The following BACH2 variants were observed in gnomAD, a reference collection of about 807,000 sequenced individuals.
BACH2 encodes the protein BACH transcriptional regulator 2, also known as transcription regulator protein BACH2.
Under a neutral mutation model 61.8 loss-of-function variants are expected in BACH2, and 5 were observed. That is an observed-to-expected ratio of 0.08 (90% CI 0.04 to 0.17). The LOEUF is 0.17. BACH2 is among the 10% of genes least tolerant of loss of function. BACH2 has a pLI of 1.00. For missense variants in BACH2, 824 were observed against 1,091.1 expected, an observed-to-expected ratio of 0.76 and a Z score of 3.45; for synonymous variants, 446 against 440.1, an observed-to-expected ratio of 1.01 and a Z score of -0.17.
At chr6:90,231,820 A>T (rs73752901) in intron 3 of BACH2, among the ~76,000 whole-genome samples, 1 of 152,338 alleles carries the variant, frequency 6.6e-6, no homozygotes, top group African/African-American at 2.4e-5. Context: ...GAGGCTATTT[A>T]GCTAGACTTC....
intron 4 of BACH2, among the ~76,000 whole-genome samples, chr6:90,193,322 A>G (rs1479181440): frequency 6.6e-6 from 1 of 152,148 alleles, no homozygotes; most frequent in Non-Finnish European, 1.5e-5. Context: ...CCCTAATCCA[A>G]TATGACTGGT....
At chr6:90,269,663 A>G (rs1275327979) in intron 2 of BACH2, among the ~76,000 whole-genome samples, 1 of 152,154 alleles carries the variant, frequency 6.6e-6, no homozygotes, top group Non-Finnish European at 1.5e-5. Context: ...GGTTATTTTC[A>G]TATCGGTTGG....
At chr6:90,137,973 A>C (rs1018547620) in intron 4 of BACH2, among the ~76,000 whole-genome samples, 1 of 152,150 alleles carries the variant, frequency 6.6e-6, no homozygotes, top group African/African-American at 2.4e-5. Flanking sequence ...ACAATAAAAC[A>C]TAAGAAGTGG....
chr6:89,953,262 C>T (rs1032837043), intron 6 of BACH2: 2 of 152,222 alleles, frequency 1.3e-5, no homozygotes, highest in Non-Finnish European at 2.9e-5. Context: ...GAATGAATGA[C>T]ATTGTCCTCT....
chr6:90,246,121 G>T (rs902557309), intron 3 of BACH2, among the ~76,000 whole-genome samples: 1 of 152,208 alleles, frequency 6.6e-6, no homozygotes, highest in Non-Finnish European at 1.5e-5. Flanking sequence ...AGATTGGTGA[G>T]AGCCAGGAGC....
At chr6:89,948,759 A>G (rs1363782063) in intron 7 of BACH2, among the ~76,000 whole-genome samples, 1 of 152,204 alleles carries the variant, frequency 6.6e-6, no homozygotes, top group Non-Finnish European at 1.5e-5. Context: ...AATCTTCCCA[A>G]TGTCAGGGAC....
intron 5 of BACH2, among the ~76,000 whole-genome samples, chr6:90,068,275 C>T (rs1456309401): frequency 6.6e-6 from 1 of 152,176 alleles, no homozygotes; most frequent in Admixed American, 6.6e-5. Context: ...ACTCAAGCAA[C>T]CATTTAGGAA....
At chr6:90,042,364 T>C (rs1414187266) in intron 5 of BACH2, among the ~76,000 whole-genome samples, 1 of 135,576 alleles carries the variant, frequency 7.4e-6, no homozygotes, top group Non-Finnish European at 1.6e-5. Context: ...AGCTAGTTTT[T>C]TGTATTTTTT....
intron 5 of BACH2, among the ~76,000 whole-genome samples, chr6:90,033,131 C>T (rs1779088162): frequency 1.3e-5 from 2 of 151,868 alleles, no homozygotes; most frequent in African/African-American, 2.4e-5. Context: ...GCTGCATGTT[C>T]TCACTCATAG....
At chr6:89,988,513 T>A (rs918404115) in intron 6 of BACH2, among the ~76,000 whole-genome samples, 2 of 152,184 alleles carry the variant, frequency 1.3e-5, no homozygotes, top group African/African-American at 4.8e-5. Flanking sequence ...GCTCAAAGCC[T>A]TTCCTCCTTA....
At chr6:90,125,749 G>A (rs1562461064) in intron 4 of BACH2, among the ~76,000 whole-genome samples, 1 of 152,110 alleles carries the variant, frequency 6.6e-6, no homozygotes, top group African/African-American at 2.4e-5. Flanking sequence ...TGTCACACAG[G>A]CACCCACCTT....
In BACH2 at chr6:90,063,378, A is replaced by G. The variant is rs184215421; in HGVS notation, c.-13+25583T>C. Among the ~76,000 whole-genome samples the G allele has an allele frequency of 8.7e-4, 133 of 152,358 alleles. 1 individual carries two copies. Among genetic ancestry groups the G allele is most frequent in the Admixed American group, 1.1e-3 (17 of 15,302 alleles). ...TAAGAAGCATGAAATATCACATCACATTACATTATGTTATGCCAAGTAACA... is the reference window on the plus strand; with the variant it reads ...TAAGAAGCATGAAATATCACATCACGTTACATTATGTTATGCCAAGTAACA... On this transcript the variant is annotated intron_variant, in intron 5 of 8. Transcript: ENST00000257749.
At chr6:90,280,460 T>A (rs1018061590) in intron 1 of BACH2, among the ~76,000 whole-genome samples, 2 of 152,186 alleles carry the variant, frequency 1.3e-5, no homozygotes, top group African/African-American at 4.8e-5. Flanking sequence ...ACATGTAACA[T>A]CCCAAGGTGT....
chr6:90,165,754 C>T (rs534814184), intron 4 of BACH2, among the ~76,000 whole-genome samples: 68 of 152,194 alleles, frequency 4.5e-4, no homozygotes, highest in Admixed American at 3.1e-3. Context: ...AATAATGCCG[C>T]GTATCTACAA....
intron 2 of BACH2, among the ~76,000 whole-genome samples, chr6:90,264,267 T>G (rs1771256441): frequency 6.6e-6 from 1 of 152,162 alleles, no homozygotes; most frequent in Non-Finnish European, 1.5e-5. Flanking sequence ...GTTCTTATTC[T>G]TCAGAAATGA....
At chr6:89,974,960 C>G (rs527543628) in intron 6 of BACH2, among the ~76,000 whole-genome samples, 1 of 152,188 alleles carries the variant, frequency 6.6e-6, no homozygotes, top group Admixed American at 6.5e-5. Context: ...CACTTGAAAT[C>G]TGAAGTGCGG....
intron 5 of BACH2, among the ~76,000 whole-genome samples, chr6:90,069,568 G>A (rs893276148): frequency 6.6e-6 from 1 of 152,192 alleles, no homozygotes; most frequent in Non-Finnish European, 1.5e-5. Flanking sequence ...CCCAAGGGAT[G>A]CAAGAATGGG....
At chr6:90,295,192 G>A (rs1019418326) in intron 1 of BACH2, among the ~76,000 whole-genome samples, 1 of 152,090 alleles carries the variant, frequency 6.6e-6, no homozygotes, top group African/African-American at 2.4e-5. Context: ...GGCGGTGACC[G>A]GGAGAGCAGG....
At chr6:90,100,630 C>T (rs1285684258) in intron 4 of BACH2, among the ~76,000 whole-genome samples, 1 of 151,690 alleles carries the variant, frequency 6.6e-6, no homozygotes, top group Non-Finnish European at 1.5e-5. Flanking sequence ...TTGCTAGTCT[C>T]CTCAATCATG....
Sources: gnomAD v4.1 joint callset for allele counts (sites outside exome capture counted in the v4.1 genomes callset) on GRCh38, gnomAD v4.1.1 for gene constraint, MANE v1.5 for transcripts, NCBI Gene and HGNC (gene_info 2026-07-23, HGNC 2026-07-21) for gene names.